The following PPM1L variants were observed in gnomAD, a reference collection of about 807,000 sequenced individuals.
PPM1L encodes the protein protein phosphatase, Mg2+/Mn2+ dependent 1L, also known as protein phosphatase 1L.
Under a neutral mutation model 31.4 loss-of-function variants are expected in PPM1L, and 13 were observed. That is an observed-to-expected ratio of 0.41 (90% CI 0.27 to 0.66). PPM1L has a LOEUF of 0.66. Among genes scored for constraint, PPM1L ranks in the 30% least tolerant of loss-of-function variants. PPM1L has a pLI of 0.29. For synonymous variants in PPM1L, 184 were observed against 175.4 expected (o/e 1.05, Z -0.39); for missense variants, 326 against 453.7 (o/e 0.72, Z 2.56).
intron 1 of PPM1L, among the ~76,000 whole-genome samples, chr3:160,870,411 T>TATTTAAACATTGAAATAAACAATGAA (rs1391808924): frequency 6.6e-6 from 1 of 152,352 alleles, no homozygotes; most frequent in East Asian, 1.9e-4. Context: ...TTAAATACTT[T>TATTTAAACATTGAAATAAACAATGAA]ATACATTGAA....
intron 1 of PPM1L, among the ~76,000 whole-genome samples, chr3:160,836,187 G>A (rs898330284): frequency 6.6e-6 from 1 of 152,152 alleles, no homozygotes; most frequent in South Asian, 2.1e-4. Flanking sequence ...TAAGAAGTAG[G>A]AAGCTGCTCT....
rs1329565415 is a variant in PPM1L, at chr3:160,756,252, C to A, written c.-57C>A. 1.3e-6 allele frequency: 2 copies of A among 1,555,092 alleles called. No individual in the cohort carries two copies. Among genetic ancestry groups the A allele is most frequent in the Admixed American group, 1.8e-5 (1 of 56,782 alleles). The stretch of plus-strand genomic sequence containing the variant: ...GGCTGTCCCCGCAGTGCTCCCGGAC[C>A]CGGCGAGCCTTCGGGGCGCGCGTCG... On this transcript the variant is annotated 5_prime_UTR_variant, in exon 1 of 4. Transcript: ENST00000498165. The surrounding 1 kb of genome is among the most constrained non-coding windows in gnomAD (Gnocchi z 6.2).
At chr3:161,026,598 AG>A (rs1718400670) in intron 2 of PPM1L, among the ~76,000 whole-genome samples, 1 of 152,048 alleles carries the variant, frequency 6.6e-6, no homozygotes, top group Non-Finnish European at 1.5e-5. Flanking sequence ...CAGGAGGCTG[AG>A]GCAGGAATCC....
chr3:160,876,311 G>A (rs918705995), intron 1 of PPM1L, among the ~76,000 whole-genome samples: 3 of 152,166 alleles, frequency 2.0e-5, no homozygotes, highest in African/African-American at 7.2e-5. Context: ...GGCTTTGTGT[G>A]TATGTTTGTG....
Position 161,064,137 on chromosome 3 carries a change from G to C in PPM1L, c.575-1266G>C, listed in dbSNP as rs188719592. Among the ~76,000 whole-genome samples the C allele has an allele frequency of 4.0e-5, 6 of 148,212 alleles. No homozygotes were observed. The East Asian group carries it at 1.2e-3, about 29-fold the overall frequency. ...ACCACCATGGCACATGTATACCTAT[G>C]TAACAAGCCTGCACATTCTGCACGT... On this transcript the variant is annotated intron_variant, in intron 2 of 3. Transcript: ENST00000498165.
chr3:160,864,836 A>G (rs1387081940), intron 1 of PPM1L, among the ~76,000 whole-genome samples: 1 of 152,208 alleles, frequency 6.6e-6, no homozygotes, highest in African/African-American at 2.4e-5. Context: ...AGATGGTTGT[A>G]GACATTTCTG....
chr3:160,980,712 A>AAAGG (rs60097789), intron 2 of PPM1L, among the ~76,000 whole-genome samples: 1 of 148,012 alleles, frequency 6.8e-6, no homozygotes, highest in African/African-American at 2.5e-5. Context: ...GAGAGAAAAA[A>AAAGG]AAAGAGAGAG....
At chr3:160,945,033 A>C (rs549953701) in intron 1 of PPM1L, among the ~76,000 whole-genome samples, 36 of 32,216 alleles carry the variant, frequency 1.1e-3, no homozygotes, top group African/African-American at 2.4e-3. Context: ...ATATAACTAT[A>C]TATAACATAT....
chr3:160,757,875 A>G (rs1004810220), intron 1 of PPM1L, among the ~76,000 whole-genome samples: 1 of 152,180 alleles, frequency 6.6e-6, no homozygotes, highest in South Asian at 2.1e-4. Context: ...AGGGACTGCC[A>G]TTCTTTTTCA....
rs1712384716 is a variant in PPM1L, at chr3:160,873,321, T to C, written c.400-88415T>C. Among the ~76,000 whole-genome samples, 4 of 152,358 alleles carry C rather than the reference T, an allele frequency of 2.6e-5. No individual in the cohort carries two copies. In the South Asian group the frequency reaches 8.3e-4, roughly 32 times the overall value. On this transcript the variant is annotated intron_variant, in intron 1 of 3. Transcript: ENST00000498165. ...ATATTAATGGCTAGAATCAGCTGCA[T>C]AAATTTCTGGGCTAATTAGATGCTT...
intron 1 of PPM1L, among the ~76,000 whole-genome samples, chr3:160,867,635 C>G (rs543329859): frequency 6.6e-6 from 1 of 151,998 alleles, no homozygotes; most frequent in African/African-American, 2.4e-5. Context: ...CTGTAAACCT[C>G]AAGTTTTTGT....
intron 1 of PPM1L, among the ~76,000 whole-genome samples, chr3:160,768,624 A>G (rs1380791930): frequency 6.6e-6 from 1 of 152,168 alleles, no homozygotes; most frequent in Non-Finnish European, 1.5e-5. Flanking sequence ...TAGTCTGGCA[A>G]TAAGGAAATG....
chr3:160,868,501 A>G (rs745371532), intron 1 of PPM1L, among the ~76,000 whole-genome samples: 1 of 151,468 alleles, frequency 6.6e-6, no homozygotes, highest in Non-Finnish European at 1.5e-5. Flanking sequence ...TTTAATTAAC[A>G]TCCCTTTTCT....
intron 2 of PPM1L, among the ~76,000 whole-genome samples, chr3:161,055,257 A>G (rs1456808692): frequency 1.3e-5 from 2 of 152,172 alleles, no homozygotes; most frequent in Admixed American, 1.3e-4. Context: ...AAAAACCTCT[A>G]GGCAGGTCAG....
intron 2 of PPM1L, among the ~76,000 whole-genome samples, chr3:161,001,327 G>C (rs1717473127): frequency 6.6e-6 from 1 of 152,100 alleles, no homozygotes. Context: ...CTGTCGCCAG[G>C]CTGGAGTACA....
At chr3:160,913,850 AG>A (rs1411050788) in intron 1 of PPM1L, among the ~76,000 whole-genome samples, 1 of 152,106 alleles carries the variant, frequency 6.6e-6, no homozygotes, top group Admixed American at 6.6e-5. Flanking sequence ...ATTAATTTCC[AG>A]TTTTTGACTA....
intron 2 of PPM1L, among the ~76,000 whole-genome samples, chr3:160,983,444 G>A (rs115458338): frequency 6.6e-6 from 1 of 151,570 alleles, no homozygotes; most frequent in Non-Finnish European, 1.5e-5. Flanking sequence ...GGGGTGGTGG[G>A]ATAGGGGGTG....
chr3:160,895,021 A>G (rs1713287212), intron 1 of PPM1L, among the ~76,000 whole-genome samples: 1 of 152,138 alleles, frequency 6.6e-6, no homozygotes. Flanking sequence ...TGGATTTTTC[A>G]TAGCTTGTAT....
intron 1 of PPM1L, among the ~76,000 whole-genome samples, chr3:160,940,025 G>A (rs1176279934): frequency 2.0e-5 from 3 of 152,226 alleles, no homozygotes; most frequent in Non-Finnish European, 2.9e-5. Flanking sequence ...AGATGGAGAC[G>A]AGGAACTTGC....
Sources: gnomAD v4.1 joint callset for allele counts (sites outside exome capture counted in the v4.1 genomes callset) on GRCh38, gnomAD v4.1.1 for gene constraint, Gnocchi (gnomAD v3.1) non-coding constraint, MANE v1.5 for transcripts, NCBI Gene and HGNC (gene_info 2026-07-23, HGNC 2026-07-21) for gene names.